ARPC2: variants seen among roughly 807,000 people sequenced by gnomAD.
The protein encoded by ARPC2 is actin related protein 2/3 complex subunit 2.
A neutral mutation model predicts 38.6 loss-of-function variants in ARPC2; 4 were observed. The observed-to-expected ratio is 0.10, with a 90% CI of 0.05 to 0.24. The LOEUF (loss-of-function observed/expected upper bound fraction) is 0.24, where lower values mean the gene tolerates loss of function less well. Among genes scored for constraint, ARPC2 ranks in the 10% least tolerant of loss-of-function variants. The pLI, the probability that ARPC2 is intolerant of heterozygous loss-of-function variation, is 1.00. For synonymous variants in ARPC2, 125 were observed against 140.8 expected (o/e 0.89, Z 0.79); for missense variants, 229 against 387.3 (o/e 0.59, Z 3.43).
intron 6 of ARPC2, 25 bp downstream of exon 6, chr2:218,238,875 G>A (rs1441341128): frequency 1.3e-6 from 2 of 1,554,694 alleles, no homozygotes; most frequent in Non-Finnish European, 1.8e-6. Flanking sequence ...TGGTCCTGAA[G>A]CCTGGATATG....
chr2:218,249,177 G>A (rs1348885708), intron 8 of ARPC2, among the ~76,000 whole-genome samples, 187 bp from the exon 9 acceptor site: 3 of 152,144 alleles, frequency 2.0e-5, no homozygotes, highest in Non-Finnish European at 4.4e-5. Context: ...CACGCTCGTT[G>A]ACACCTTTCC....
intron 2 of ARPC2, among the ~76,000 whole-genome samples, chr2:218,223,315 G>A (rs1244662698): frequency 6.6e-6 from 1 of 152,116 alleles, no homozygotes; most frequent in African/African-American, 2.4e-5. Flanking sequence ...TCTGTTAGTC[G>A]CTTAATAGCT....
At chr2:218,235,015 C>A in intron 5 of ARPC2, 1 of 354,428 alleles carries the variant, frequency 2.8e-6, no homozygotes, top group South Asian at 2.1e-5. Context: ...AATTCTGAGG[C>A]ATTTAGCAGG....
intron 5 of ARPC2, chr2:218,235,831 T>A (rs2106151785): frequency 1.3e-5 from 2 of 152,432 alleles, no homozygotes; most frequent in Middle Eastern, 6.8e-3. Flanking sequence ...CTCACACCTG[T>A]AATCCCAGCA....
chr2:218,220,342 C>G (rs1202791901), intron 2 of ARPC2, among the ~76,000 whole-genome samples: 1 of 152,114 alleles, frequency 6.6e-6, no homozygotes. Flanking sequence ...AATAAGATAG[C>G]CATACAAAGT....
chr2:218,224,252 T>G (rs1379788837), intron 2 of ARPC2, among the ~76,000 whole-genome samples: 1 of 152,214 alleles, frequency 6.6e-6, no homozygotes, highest in Non-Finnish European at 1.5e-5. Context: ...TTATTTATAG[T>G]TGGTTTTTCT....
chr2:218,220,081 C>CT (rs1331951389), intron 2 of ARPC2, among the ~76,000 whole-genome samples: 2 of 152,238 alleles, frequency 1.3e-5, no homozygotes, highest in South Asian at 2.1e-4. Context: ...AGGGGCCTCT[C>CT]TGAGAGCCTA....
In ARPC2 at chr2:218,249,473, G is replaced by T. The variant is rs747178241; in HGVS notation, c.777+9G>T. On this transcript the variant is annotated intron_variant, in intron 9 of 10. Coordinates refer to ENST00000315717, the MANE Select transcript of ARPC2 (RefSeq NM_152862.3). ...ACATCAAGTGCTCTAAGGTGAGGGG[G>T]GTGCCAGCATCTCAGCCTCTATGCT... 4 of 1,574,664 alleles carry T rather than the reference G, an allele frequency of 2.5e-6. No individual in the cohort carries two copies. Among genetic ancestry groups the T allele is most frequent in the African/African-American group, 1.4e-5 (1 of 73,502 alleles).
rs1244321312 is a variant in ARPC2 at position 218,249,407 on chromosome 2, C to T, written c.720C>T (p.Thr240=). 8 of 1,613,548 alleles carry T rather than the reference C, an allele frequency of 5.0e-6. No individual in the cohort carries two copies. In the Admixed American group the frequency reaches 8.4e-5, roughly 17 times the overall value. The change falls in exon 9 of 11, where the codon ACC becomes ACT. Residue 240 remains threonine, a synonymous_variant. Coordinates refer to ENST00000315717, the MANE Select transcript of ARPC2 (RefSeq NM_152862.3). ...CCAATGCCAGTGCTCGAGACAACAC[C>T]ATCAACCTGATCCACACGTTCCGGG... The part of the protein sequence containing the change: ...RHTNASARDN[T]INLIHTFRDY...
intron 3 of ARPC2, 73 bp from the exon 4 acceptor site, chr2:218,228,665 G>A (rs1485260242): frequency 2.8e-5 from 25 of 888,282 alleles, no homozygotes; most frequent in Admixed American, 8.5e-5. Context: ...TGTGGCCTAC[G>A]GCAAGGTAGG....
chr2:218,219,235 A>G lies in ARPC2; in HGVS notation c.74+1691A>G, dbSNP rs6760715. On this transcript the variant is annotated intron_variant, in intron 2 of 10. Coordinates refer to ENST00000315717, the MANE Select transcript of ARPC2 (RefSeq NM_152862.3). ...GACTTGTGATTCCAAAATGTGGCCC[A>G]TTATTCGGAACTTCAGTTCTTTCTT... is the stretch of plus-strand genomic sequence containing the variant. 2.1e-3 allele frequency among the ~76,000 whole-genome samples: 315 copies of G among 152,302 alleles called. 2 individuals carry two copies. Among genetic ancestry groups the G allele is most frequent in the African/African-American group, 7.0e-3 (291 of 41,576 alleles).
At chr2:218,230,123 G>A (rs1404050118) in intron 4 of ARPC2, among the ~76,000 whole-genome samples, 3 of 150,966 alleles carry the variant, frequency 2.0e-5, no homozygotes, top group African/African-American at 7.3e-5. Context: ...GGCATGCACC[G>A]CTACACCTGG....
At position 218,252,930 on chromosome 2, in the gene ARPC2, T is replaced by C. The variant is rs529586413; in HGVS notation, c.879-961T>C. 1.9e-4 allele frequency: 89 copies of C among 456,694 alleles called. 1 individual carries two copies. The highest frequency in any genetic ancestry group is 1.0e-3 in the South Asian group (66 of 64,568). The allele number at this position is 456,694 out of a possible 1,614,324, so 28.3% of individuals were successfully genotyped here. ...GGACTTAGAAAGAGCAACTTTGCCT[T>C]CTTCTGTGCTGCAGCTTCTCTTTGG... On this transcript the variant is annotated intron_variant, in intron 10 of 10. Transcript: ENST00000315717.
intron 3 of ARPC2, among the ~76,000 whole-genome samples, chr2:218,228,386 G>C (rs1411359455): frequency 6.6e-6 from 1 of 151,668 alleles, no homozygotes; most frequent in Non-Finnish European, 1.5e-5. Context: ...CTGGGTGACA[G>C]AGTAAGACTC....
At chr2:218,229,038 G>A (rs1267628091) in intron 4 of ARPC2, 188 bp downstream of exon 4, 1 of 453,692 alleles carries the variant, frequency 2.2e-6, no homozygotes, top group Non-Finnish European at 4.0e-6. Flanking sequence ...TTGCTTGCTT[G>A]CTTTAAAACA....
At chr2:218,247,194 C>T (rs1690059604) in intron 8 of ARPC2, among the ~76,000 whole-genome samples, 2 of 152,194 alleles carry the variant, frequency 1.3e-5, no homozygotes, top group African/African-American at 4.8e-5. Context: ...TTTGGCAATT[C>T]TTGGTTTTTT....
rs777962670 is a variant in ARPC2 at position 218,225,966 on chromosome 2, T to TA, written c.109+13dup. The TA allele has an allele frequency of 1.1e-5, 17 of 1,613,182 alleles. No individual in the cohort carries two copies. The highest frequency in any genetic ancestry group is 2.7e-5 in the African/African-American group (2 of 74,928). On this transcript the variant is annotated intron_variant, in intron 3 of 10. Transcript: ENST00000315717. ...AGTAACATTTGCAGGTAAGCATCTT[T>TA]ATCTCAGCCCTCTGAAGAGAAGGTA...
In ARPC2 at chr2:218,225,964, T is replaced by TGAACA; in HGVS notation, c.109+10_109+11insGAACA. 6.2e-7 allele frequency: 1 copy of TGAACA among 1,613,250 alleles called. No individual in the cohort carries two copies. The highest frequency in any genetic ancestry group is 8.5e-7 in the Non-Finnish European group (1 of 1,179,382). ...GAAGTAACATTTGCAGGTAAGCATC[T>TGAACA]TTATCTCAGCCCTCTGAAGAGAAGG... On this transcript the variant is annotated intron_variant, in intron 3 of 10. Transcript: ENST00000315717.
intron 7 of ARPC2, among the ~76,000 whole-genome samples, chr2:218,240,409 G>T (rs182379868): frequency 6.6e-6 from 1 of 152,178 alleles, no homozygotes; most frequent in African/African-American, 2.4e-5. Context: ...AACCTCTTGT[G>T]TTTCCTCAGA....
Sources: allele counts gnomAD v4.1 joint callset (sites outside exome capture counted in the v4.1 genomes callset), GRCh38; gene constraint gnomAD v4.1.1; transcripts MANE v1.5; gene names NCBI Gene and HGNC (gene_info 2026-07-23, HGNC 2026-07-21).